The following DYNC2H1 variants were observed in gnomAD, a reference collection of about 807,000 sequenced individuals.
DYNC2H1 encodes the protein cytoplasmic dynein 2 heavy chain 1.
DYNC2H1 carries 410 observed loss-of-function variants against 570.0 expected under a neutral mutation model. The ratio of observed to expected loss-of-function variants is 0.72; its 90% confidence interval spans 0.66 to 0.78. The LOEUF (loss-of-function observed/expected upper bound fraction) is 0.78. Among genes scored for constraint, DYNC2H1 ranks in the 30% least tolerant of loss-of-function variants. The pLI is 0.00. For synonymous variants in DYNC2H1, 1,688 were observed against 1,677.6 expected, an observed-to-expected ratio of 1.01 and a Z score of -0.15; for missense variants, 4,865 against 5,046.4, an observed-to-expected ratio of 0.96 and a Z score of 1.09.
intron 83 of DYNC2H1, among the ~76,000 whole-genome samples, chr11:103,366,114 A>G (rs1020657901): frequency 3.3e-5 from 5 of 152,214 alleles, no homozygotes; most frequent in African/African-American, 1.2e-4. Context: ...AAAATGATGG[A>G]TTTGGAAGAA....
At chr11:103,394,979 C>G (rs1035771459) in intron 83 of DYNC2H1, among the ~76,000 whole-genome samples, 1 of 151,866 alleles carries the variant, frequency 6.6e-6, no homozygotes, top group African/African-American at 2.4e-5. Flanking sequence ...CTTTTTTATT[C>G]CCTTCCCTAC....
Position 103,133,754 on chromosome 11 carries a change from A to T in DYNC2H1, c.2106+47A>T. 6.7e-7 allele frequency: 1 copy of T among 1,487,090 alleles called. No homozygotes were observed. The highest frequency in any genetic ancestry group is 9.0e-7 in the Non-Finnish European group (1 of 1,110,976). The allele number at this position is 1,487,090 out of a possible 1,614,324, so 92.1% of individuals were successfully genotyped here. The stretch of plus-strand genomic sequence containing the variant: ...GAATAAGCTATGAATGATATTATTT[A>T]AAAAGTCATTAAGATACAATTTTTA... On this transcript the variant is annotated intron_variant, in intron 14 of 88. Transcript: ENST00000375735. This position sits in a 1 kb window ranked among gnomAD's most constrained non-coding sequence, Gnocchi z 4.8.
In DYNC2H1 at chr11:103,129,030, T is replaced by C; in HGVS notation, c.1953+25T>C. ...GGTAAATGGGCTTTTAATTTTATTA[T>C]AATTAGATTTTACATGTGAAGTGTT... is the stretch of plus-strand genomic sequence containing the variant. On this transcript the variant is annotated intron_variant, in intron 13 of 88. Coordinates refer to ENST00000375735, the MANE Select transcript of DYNC2H1 (RefSeq NM_001377.3). The surrounding 1 kb of genome is among the most constrained non-coding windows in gnomAD (Gnocchi z 4.1). The C allele has an allele frequency of 1.3e-6, 2 of 1,552,822 alleles. No individual in the cohort carries two copies. Among genetic ancestry groups the C allele is most frequent in the Non-Finnish European group, 1.8e-6 (2 of 1,137,494 alleles).
rs11823725 is a variant in DYNC2H1 at position 103,233,940 on chromosome 11, A to G, written c.9441-94A>G. On this transcript the variant is annotated intron_variant, in intron 60 of 88. Transcript: ENST00000375735. ...ACATTAATAGTATTATCATTAAATTATGGCATAAAAGTTTACTTTATTACC... is the reference window on the plus strand; with the variant it reads ...ACATTAATAGTATTATCATTAAATTGTGGCATAAAAGTTTACTTTATTACC... 141,592 of 1,249,902 alleles carry G rather than the reference A, an allele frequency of 0.11. 9,089 individuals are homozygous for G. Among genetic ancestry groups the G allele is most frequent in the Non-Finnish European group, 0.12 (106,357 of 920,116 alleles). The allele number at this position is 1,249,902 out of a possible 1,614,324, so 77.4% of individuals were successfully genotyped here.
At chr11:103,282,981 T>A (rs759783366) in intron 72 of DYNC2H1, 27 bp from the exon 73 acceptor site, 2 of 1,560,358 alleles carry the variant, frequency 1.3e-6, no homozygotes, top group South Asian at 2.4e-5. Flanking sequence ...CCAAGTATAC[T>A]AAGGAAAATA....
chr11:103,117,909 A>G (rs1433263524), intron 6 of DYNC2H1, 46 bp downstream of exon 6: 2 of 1,458,846 alleles, frequency 1.4e-6, no homozygotes, highest in Non-Finnish European at 1.9e-6. Flanking sequence ...TGTAAAGTGT[A>G]TCTTCACTTG....
intron 85 of DYNC2H1, among the ~76,000 whole-genome samples, chr11:103,438,199 C>T (rs2135758549): frequency 6.6e-6 from 1 of 152,062 alleles, no homozygotes; most frequent in African/African-American, 2.4e-5. Context: ...GTTTTATTTT[C>T]CTGGCTTAAT....
intron 54 of DYNC2H1, among the ~76,000 whole-genome samples, chr11:103,215,375 C>G (rs532184143): frequency 1.3e-5 from 2 of 152,276 alleles, no homozygotes; most frequent in African/African-American, 2.4e-5. Flanking sequence ...TGAATTTTAT[C>G]AGATGTGTTT....
At chr11:103,287,489 G>A in intron 74 of DYNC2H1, 44 bp from the exon 75 acceptor site, 2 of 1,481,814 alleles carry the variant, frequency 1.3e-6, no homozygotes, top group Non-Finnish European at 1.8e-6. Context: ...TAAAGTAGTT[G>A]CAGCAACTTT....
chr11:103,307,981 T>G (rs1867377586), intron 78 of DYNC2H1, 150 bp downstream of exon 78: 2 of 422,280 alleles, frequency 4.7e-6, no homozygotes, highest in Non-Finnish European at 8.4e-6. Context: ...TAAGATGATG[T>G]AAAATACATT....
intron 84 of DYNC2H1, 100 bp from the exon 85 acceptor site, chr11:103,435,843 T>C: frequency 9.3e-7 from 1 of 1,076,922 alleles, no homozygotes; most frequent in Non-Finnish European, 1.4e-6. Flanking sequence ...TATGTATATG[T>C]GAATTATGCC....
Position 103,170,487 on chromosome 11 carries a change from G to T in DYNC2H1, c.5151+197G>T, listed in dbSNP as rs1376454228. ...AAACTTTTCTAAGAATTATGGCAAA[G>T]AAATAATTTTAAATACAGAATGAAG... On this transcript the variant is annotated intron_variant, in intron 33 of 88. Transcript: ENST00000375735. The surrounding 1 kb of genome is among the most constrained non-coding windows in gnomAD (Gnocchi z 4.8). Among the ~76,000 whole-genome samples the T allele has an allele frequency of 6.6e-6, 1 of 152,070 alleles. No homozygotes were observed. The highest frequency in any genetic ancestry group is 1.9e-4 in the East Asian group (1 of 5,188).
rs1296103111 is a variant in DYNC2H1 at position 103,456,371 on chromosome 11, T to G, written c.12648+15T>G. On this transcript the variant is annotated intron_variant, in intron 87 of 88. Coordinates refer to ENST00000375735, the MANE Select transcript of DYNC2H1 (RefSeq NM_001377.3). ...TACAAATTAAGGTACTAGACTAATT[T>G]TAGATCTTGGAATCTCAGCCTTATC... 26 of 1,574,728 alleles carry G rather than the reference T, an allele frequency of 1.7e-5. No homozygotes were observed. The highest frequency in any genetic ancestry group is 2.2e-5 in the Non-Finnish European group (25 of 1,157,714).
At chr11:103,175,577 A>C (rs1344052636) in intron 36 of DYNC2H1, among the ~76,000 whole-genome samples, 3 of 152,128 alleles carry the variant, frequency 2.0e-5, no homozygotes, top group Non-Finnish European at 4.4e-5. Context: ...CTTACCAATC[A>C]GCAGCTAATA....
intron 73 of DYNC2H1, among the ~76,000 whole-genome samples, 158 bp downstream of exon 73, chr11:103,283,243 C>T (rs1014493907): frequency 6.6e-6 from 1 of 152,058 alleles, no homozygotes; most frequent in East Asian, 1.9e-4. Flanking sequence ...GTAATTAGTC[C>T]TTTAACCAGT....
chr11:103,286,327 T>C lies in DYNC2H1; in HGVS notation c.10963T>C (p.Ser3655Pro). The C allele has an allele frequency of 6.2e-7, 1 of 1,613,800 alleles. No homozygotes were observed. Among genetic ancestry groups the C allele is most frequent in the East Asian group, 2.2e-5 (1 of 44,860 alleles). ...AALWRTYYNN[S>P]MCEQEFPSIL... is the part of the protein sequence containing the mutation. ...TCTGTGGCGTACTTATTATAATAAT[T>C]CAATGTGTGAGCAAGAGTTTCCATC... The change falls in exon 74 of 89, where the codon TCA becomes CCA. Residue 3655 changes from serine to proline, a missense_variant. This residue lies in a region of DYNC2H1 where 2,401 missense variants were observed against 2,454.6 expected (regional missense o/e 0.98). Transcript: ENST00000375735.
rs182161847 is a variant in DYNC2H1 at position 103,461,312 on chromosome 11, A to T, written c.12648+4956A>T. On this transcript the variant is annotated intron_variant, in intron 87 of 88. Transcript: ENST00000375735. This position sits in a 1 kb window ranked among gnomAD's most constrained non-coding sequence, Gnocchi z 4.8. The stretch of plus-strand genomic sequence containing the variant: ...CACTATAATTTTATTAGTTTTTTTT[A>T]AAATCTCTATCACCATAGACTGAAT... Among the ~76,000 whole-genome samples, 24,663 of 151,842 alleles carry T rather than the reference A, an allele frequency of 0.16. 2,145 individuals carry two copies. The highest frequency in any genetic ancestry group is 0.24 in the Admixed American group (3,721 of 15,228).
rs1299207581 is a variant in DYNC2H1, at chr11:103,204,649, C to G, written c.8312-173C>G. 2.0e-5 allele frequency among the ~76,000 whole-genome samples: 3 copies of G among 151,964 alleles called. No homozygotes were observed. The highest frequency in any genetic ancestry group is 4.4e-5 in the Non-Finnish European group (3 of 67,990). On this transcript the variant is annotated intron_variant, in intron 51 of 88. Coordinates refer to ENST00000375735, the MANE Select transcript of DYNC2H1 (RefSeq NM_001377.3). The surrounding 1 kb of genome is among the most constrained non-coding windows in gnomAD (Gnocchi z 4.1). The stretch of plus-strand genomic sequence containing the variant: ...TCTTTTTTCTTAACATGCACATACA[C>G]AAATTTATAAGTGTTCTTTTAACTA...
chr11:103,156,293 A>G, intron 25 of DYNC2H1, 95 bp from the exon 26 acceptor site: 1 of 1,267,680 alleles, frequency 7.9e-7, no homozygotes. Flanking sequence ...GTGAAAAGCC[A>G]GATAAAATAT....
Sources: gnomAD v4.1 joint callset for allele counts (sites outside exome capture counted in the v4.1 genomes callset) on GRCh38, gnomAD v4.1.1 for gene constraint, gnomAD v4.1.1 regional missense constraint, Gnocchi (gnomAD v3.1) non-coding constraint, MANE v1.5 for transcripts, NCBI Gene and HGNC (gene_info 2026-07-23, HGNC 2026-07-21) for gene names.